Variants in QSOX2 observed in about 807,000 individuals in gnomAD.
QSOX2 encodes sulfhydryl oxidase 2.
A neutral mutation model predicts 61.7 loss-of-function variants in QSOX2; 46 were observed. The observed-to-expected ratio is 0.75, with a 90% CI of 0.59 to 0.95. The LOEUF (loss-of-function observed/expected upper bound fraction) is 0.95. Among genes scored for constraint, QSOX2 ranks in the 40% least tolerant of loss-of-function variants. The pLI is 0.00. For synonymous variants in QSOX2, 383 were observed against 388.4 expected, an observed-to-expected ratio of 0.99 and a Z score of 0.16; for missense variants, 879 against 918.9, an observed-to-expected ratio of 0.96 and a Z score of 0.56.
chr9:136,240,832 C>A (rs1423190950), intron 1 of QSOX2, among the ~76,000 whole-genome samples: 1 of 152,238 alleles, frequency 6.6e-6, no homozygotes, highest in African/African-American at 2.4e-5. Flanking sequence ...ACACGTTCTT[C>A]AGCCTCGAAG....
chr9:136,218,831 C>T, intron 7 of QSOX2, 23 bp from the exon 8 acceptor site: 1 of 1,607,826 alleles, frequency 6.2e-7, no homozygotes, highest in South Asian at 1.1e-5. Flanking sequence ...ATGGCAGCGT[C>T]AGGGAATGCC....
chr9:136,212,665 C>T (rs978282921), intron 10 of QSOX2, among the ~76,000 whole-genome samples: 1 of 152,248 alleles, frequency 6.6e-6, no homozygotes, highest in Non-Finnish European at 1.5e-5. Context: ...GGGAGGGCTC[C>T]ACAGACATCT....
At chr9:136,245,427 G>C (rs1281907009) in intron 1 of QSOX2, 49 bp downstream of exon 1, 2 of 1,501,652 alleles carry the variant, frequency 1.3e-6, no homozygotes, top group African/African-American at 1.4e-5. Flanking sequence ...GGTCCCGGAA[G>C]GCCGCGGTCC....
At chr9:136,232,746 C>A (rs2131064793) in intron 1 of QSOX2, among the ~76,000 whole-genome samples, 1 of 151,850 alleles carries the variant, frequency 6.6e-6, no homozygotes, top group East Asian at 1.9e-4. Flanking sequence ...CCAGCCTGGG[C>A]AACATAGGGA....
chr9:136,213,663 C>T (rs573804408), intron 10 of QSOX2, among the ~76,000 whole-genome samples: 4 of 151,652 alleles, frequency 2.6e-5, no homozygotes, highest in Admixed American at 2.6e-4. Flanking sequence ...CATCCCGGGA[C>T]ACTCTCCCAT....
chr9:136,210,910 C>G (rs1831835885), intron 11 of QSOX2: 1 of 984,946 alleles, frequency 1.0e-6, no homozygotes, highest in South Asian at 4.7e-5. Context: ...TACTAAAATT[C>G]CTCATCAAAA....
rs1554758391 is a variant in QSOX2 at position 136,245,470 on chromosome 9, C to T, written c.328+6G>A. 5 of 1,586,654 alleles carry T rather than the reference C, an allele frequency of 3.2e-6. No homozygotes were observed. Among genetic ancestry groups the T allele is most frequent in the Middle Eastern group, 1.7e-4 (1 of 5,796 alleles). On this transcript the variant is annotated splice_donor_region_variant and intron_variant, in intron 1 of 11. Transcript: ENST00000358701. ...CGGGGGGTCCCCGCGCGGGGGCGCG[C>T]CTCACCTCGCACATCCCCAGCCAGG... is the stretch of plus-strand genomic sequence containing the variant.
chr9:136,209,568 G>A lies in QSOX2; in HGVS notation c.1550-293C>T. ...CTCCGCCACTTCCCAGACCACACCT[G>A]TCCCAAACCACCCAGCACTCCACTT... On this transcript the variant is annotated intron_variant, in intron 11 of 11. Transcript: ENST00000358701. This position sits in a 1 kb window ranked among gnomAD's most constrained non-coding sequence, Gnocchi z 5.6. 1 of 985,362 alleles carries A rather than the reference G, an allele frequency of 1.0e-6. No individual in the cohort carries two copies. The highest frequency in any genetic ancestry group is 1.2e-6 in the Non-Finnish European group (1 of 829,906). 61.0% of individuals were successfully genotyped at this position (985,362 alleles called of 1,614,324 possible). A position where few individuals can be genotyped will look rare whatever the true frequency, so the allele number is the denominator to read the frequency against.
chr9:136,245,614 A>T lies in QSOX2; in HGVS notation c.190T>A (p.Trp64Arg), dbSNP rs1830467357. 2.6e-6 allele frequency: 4 copies of T among 1,547,318 alleles called. No homozygotes were observed. The highest frequency in any genetic ancestry group is 3.5e-6 in the Non-Finnish European group (4 of 1,157,548). Residue 64 changes from tryptophan (W) to arginine (R), a missense_variant, in exon 1 of 12, where the codon TGG becomes AGG. Trp to Arg is a moderately radical substitution (Grantham distance 101). Coordinates refer to ENST00000358701, the MANE Select transcript of QSOX2 (RefSeq NM_181701.4). ...RLYRAGEDAVWVLDSGSVRGA... is the reference protein window; with the variant it reads ...RLYRAGEDAVRVLDSGSVRGA... The stretch of plus-strand genomic sequence containing the variant: ...CGCACGCTGCCGCTGTCCAGCACCC[A>T]CACGGCGTCCTCGCCCGCGCGGTAC...
intron 7 of QSOX2, 79 bp downstream of exon 7, chr9:136,218,951 G>C: frequency 2.5e-6 from 4 of 1,581,774 alleles, no homozygotes; most frequent in Non-Finnish European, 2.6e-6. Flanking sequence ...GGGTTTCTGA[G>C]TAAACCCGCC....
At position 136,239,416 on chromosome 9, in the gene QSOX2, G is replaced by A. The variant is rs908072285; in HGVS notation, c.328+6060C>T. Among the ~76,000 whole-genome samples, 130 of 152,294 alleles carry A rather than the reference G, an allele frequency of 8.5e-4. 2 individuals are homozygous for A. The highest frequency in any genetic ancestry group is 8.8e-5 in the Non-Finnish European group (6 of 68,022). On this transcript the variant is annotated intron_variant, in intron 1 of 11. Coordinates refer to ENST00000358701, the MANE Select transcript of QSOX2 (RefSeq NM_181701.4). Reference sequence around the variant, plus strand: ...CTTCCAAAGTACCGGGATTACAGGCGGGAGCCACTGCCCCGGCCACTTCCT... The same window carrying A: ...CTTCCAAAGTACCGGGATTACAGGCAGGAGCCACTGCCCCGGCCACTTCCT...
chr9:136,239,737 C>G (rs1362886127), intron 1 of QSOX2, among the ~76,000 whole-genome samples: 1 of 152,214 alleles, frequency 6.6e-6, no homozygotes, highest in Admixed American at 6.5e-5. Flanking sequence ...GCGGGCACCC[C>G]ACGTCGCCTT....
chr9:136,241,324 G>A (rs1174927616), intron 1 of QSOX2, among the ~76,000 whole-genome samples: 1 of 152,146 alleles, frequency 6.6e-6, no homozygotes, highest in Non-Finnish European at 1.5e-5. Flanking sequence ...CCAAATGCCC[G>A]CTGACACCTG....
intron 1 of QSOX2, among the ~76,000 whole-genome samples, chr9:136,232,840 G>A (rs1281467389): frequency 6.8e-6 from 1 of 146,186 alleles, no homozygotes; most frequent in Admixed American, 7.0e-5. Flanking sequence ...AGAACTACTT[G>A]AGCTCAGGAG....
chr9:136,241,030 C>G (rs1830429232), intron 1 of QSOX2, among the ~76,000 whole-genome samples: 1 of 152,158 alleles, frequency 6.6e-6, no homozygotes, highest in African/African-American at 2.4e-5. Context: ...CTTAGCAAAC[C>G]ATCCCGTCTT....
At chr9:136,225,673 C>T (rs889569021) in intron 2 of QSOX2, among the ~76,000 whole-genome samples, 1 of 152,256 alleles carries the variant, frequency 6.6e-6, no homozygotes, top group Non-Finnish European at 1.5e-5. Context: ...TCAGCTCTCC[C>T]CTTGCCCGGG....
intron 11 of QSOX2, chr9:136,210,661 G>A (rs1237287491): frequency 7.3e-5 from 72 of 985,278 alleles, no homozygotes; most frequent in Non-Finnish European, 8.4e-5. Context: ...GCTGTAATAT[G>A]TTTTTCTAAC....
intron 1 of QSOX2, among the ~76,000 whole-genome samples, chr9:136,243,569 C>A (rs900027661): frequency 1.3e-5 from 2 of 152,258 alleles, no homozygotes; most frequent in African/African-American, 2.4e-5. Context: ...CCTATAACTT[C>A]TGTCTCCCTA....
chr9:136,213,731 C>A (rs1266337992), intron 10 of QSOX2, among the ~76,000 whole-genome samples: 1 of 152,172 alleles, frequency 6.6e-6, no homozygotes, highest in Non-Finnish European at 1.5e-5. Flanking sequence ...CAGGATGCGG[C>A]AGAAGTAATA....
Sources: allele counts gnomAD v4.1 joint callset (sites outside exome capture counted in the v4.1 genomes callset), GRCh38; gene constraint gnomAD v4.1.1; non-coding constraint Gnocchi (gnomAD v3.1); transcripts MANE v1.5; gene names NCBI Gene and HGNC (gene_info 2026-07-23, HGNC 2026-07-21).